SPIDR: variants seen among roughly 807,000 people sequenced by gnomAD.
The protein encoded by SPIDR is DNA repair-scaffolding protein.
A neutral mutation model predicts 104.6 loss-of-function variants in SPIDR; 93 were observed. That is an observed-to-expected ratio of 0.89 (90% CI 0.75 to 1.06). The LOEUF (loss-of-function observed/expected upper bound fraction) is 1.06, where lower values mean the gene tolerates loss of function less well. Ranked by LOEUF, SPIDR falls within the 50% of genes least tolerant of loss-of-function variation. The probability of loss-of-function intolerance (pLI) is 0.00; values close to 1 mark genes in which losing one functional copy is unlikely to be tolerated. For synonymous variants in SPIDR, 431 were observed against 416.9 expected (o/e 1.03, Z -0.41); for missense variants, 1,154 against 1,111.2 (o/e 1.04, Z -0.55).
intron 5 of SPIDR, among the ~76,000 whole-genome samples, chr8:47,300,605 A>G (rs1188421874): frequency 6.6e-6 from 1 of 152,262 alleles, no homozygotes; most frequent in Middle Eastern, 3.4e-3. Flanking sequence ...ATTTCCCTCT[A>G]CACACTGCTT....
intron 5 of SPIDR, among the ~76,000 whole-genome samples, chr8:47,355,271 T>TAAAAA (rs34902790): frequency 3.4e-5 from 4 of 116,568 alleles, no homozygotes; most frequent in African/African-American, 1.3e-4. Context: ...AGGTTTTTTG[T>TAAAAA]AAAAAAAAAA....
chr8:47,487,994 A>G (rs532915190), intron 8 of SPIDR, among the ~76,000 whole-genome samples: 3 of 152,354 alleles, frequency 2.0e-5, no homozygotes, highest in South Asian at 4.1e-4. Context: ...AAGGCAAGAA[A>G]TAACTAAGAT....
At chr8:47,453,845 A>G (rs1585971971) in intron 8 of SPIDR, among the ~76,000 whole-genome samples, 1 of 152,360 alleles carries the variant, frequency 6.6e-6, no homozygotes, top group South Asian at 2.1e-4. Flanking sequence ...TCTCAAAGGA[A>G]GACATTTATG....
chr8:47,547,246 G>A (rs2154395363), intron 8 of SPIDR: 1 of 617,492 alleles, frequency 1.6e-6, no homozygotes, highest in East Asian at 3.9e-5. Flanking sequence ...GGGCTCCTCA[G>A]GTGTAACACG....
At chr8:47,317,749 C>G (rs1169418709) in intron 5 of SPIDR, among the ~76,000 whole-genome samples, 1 of 152,090 alleles carries the variant, frequency 6.6e-6, no homozygotes, top group Non-Finnish European at 1.5e-5. Context: ...TGAGACAAAA[C>G]TTCCAGAGGA....
chr8:47,684,150 A>C (rs1374918059), intron 11 of SPIDR, among the ~76,000 whole-genome samples: 1 of 151,316 alleles, frequency 6.6e-6, no homozygotes, highest in Non-Finnish European at 1.5e-5. Flanking sequence ...AAAAAAAAAA[A>C]ACCTGATTAA....
chr8:47,553,231 T>G (rs1354032466), intron 8 of SPIDR, among the ~76,000 whole-genome samples: 1 of 152,190 alleles, frequency 6.6e-6, no homozygotes, highest in Non-Finnish European at 1.5e-5. Flanking sequence ...AATCTGACAA[T>G]TATGTGTCTT....
intron 5 of SPIDR, among the ~76,000 whole-genome samples, chr8:47,329,650 C>T (rs1554603245): frequency 6.6e-6 from 1 of 152,152 alleles, no homozygotes; most frequent in East Asian, 1.9e-4. Context: ...CTTTCTCTTC[C>T]TCCTTTTTAT....
chr8:47,642,170 T>C (rs1176204957), intron 10 of SPIDR, among the ~76,000 whole-genome samples: 2 of 152,116 alleles, frequency 1.3e-5, no homozygotes, highest in Non-Finnish European at 2.9e-5. Flanking sequence ...ACACCTGTAA[T>C]CCCAGCACTT....
intron 8 of SPIDR, among the ~76,000 whole-genome samples, chr8:47,486,540 C>T (rs1365730346): frequency 4.6e-5 from 7 of 152,120 alleles, no homozygotes; most frequent in African/African-American, 1.4e-4. Context: ...CTCCAAGACA[C>T]ATAATTGTCA....
intron 8 of SPIDR, among the ~76,000 whole-genome samples, chr8:47,475,680 G>A (rs2076202649): frequency 6.6e-6 from 1 of 152,156 alleles, no homozygotes; most frequent in Admixed American, 6.5e-5. Context: ...GTCACTTGGA[G>A]AATGCAGTGC....
chr8:47,605,089 G>A (rs534613213), intron 10 of SPIDR, among the ~76,000 whole-genome samples: 15 of 152,316 alleles, frequency 9.8e-5, no homozygotes, highest in African/African-American at 3.4e-4. Context: ...GGAAACAATA[G>A]AGACAAAGGA....
At chr8:47,392,948 C>T (rs2060780984) in intron 5 of SPIDR, among the ~76,000 whole-genome samples, 1 of 152,176 alleles carries the variant, frequency 6.6e-6, no homozygotes, top group South Asian at 2.1e-4. Flanking sequence ...TCTCTTGTCA[C>T]CTGAAGACAG....
chr8:47,498,337 GTTTC>G (rs1485244657), intron 8 of SPIDR, among the ~76,000 whole-genome samples: 1 of 152,132 alleles, frequency 6.6e-6, no homozygotes, highest in East Asian at 1.9e-4. Context: ...GAGGTCAGCA[GTTTC>G]TTTATCAAAG....
intron 7 of SPIDR, among the ~76,000 whole-genome samples, chr8:47,411,394 A>G: frequency 6.6e-6 from 1 of 152,084 alleles, no homozygotes; most frequent in Non-Finnish European, 1.5e-5. Flanking sequence ...TTCGATTTGC[A>G]TTTCTCTGAT....
intron 10 of SPIDR, among the ~76,000 whole-genome samples, chr8:47,600,255 A>G (rs1246394682): frequency 1.3e-5 from 2 of 152,176 alleles, no homozygotes; most frequent in Non-Finnish European, 2.9e-5. Context: ...TCACACATAT[A>G]ATCCCAGCAC....
chr8:47,509,831 G>A (rs1307443553), intron 8 of SPIDR, among the ~76,000 whole-genome samples: 4 of 152,090 alleles, frequency 2.6e-5, no homozygotes, highest in Non-Finnish European at 5.9e-5. Context: ...GCACGTGGAT[G>A]TGTGCATGCG....
chr8:47,299,496 G>A (rs1399595947), intron 5 of SPIDR, among the ~76,000 whole-genome samples: 3 of 152,150 alleles, frequency 2.0e-5, no homozygotes, highest in Non-Finnish European at 4.4e-5. Flanking sequence ...TGTTGAATAG[G>A]AGTGGTGAGA....
At chr8:47,522,242 A>G (rs2084274156) in intron 8 of SPIDR, among the ~76,000 whole-genome samples, 1 of 152,034 alleles carries the variant, frequency 6.6e-6, no homozygotes, top group Non-Finnish European at 1.5e-5. Context: ...GTGATACTGA[A>G]GGGGTCAGCC....
Sources: gnomAD v4.1 joint callset for allele counts (sites outside exome capture counted in the v4.1 genomes callset) on GRCh38, gnomAD v4.1.1 for gene constraint, MANE v1.5 for transcripts, NCBI Gene and HGNC (gene_info 2026-07-23, HGNC 2026-07-21) for gene names.